RFX4: variants seen among roughly 807,000 people sequenced by gnomAD.
The protein encoded by RFX4 is transcription factor RFX4.
RFX4 carries 10 observed loss-of-function variants against 95.0 expected under a neutral mutation model. The observed-to-expected ratio is 0.11, with a 90% CI of 0.06 to 0.18. The LOEUF (loss-of-function observed/expected upper bound fraction) is 0.18, where lower values mean the gene tolerates loss of function less well. Ranked by LOEUF, RFX4 falls within the 10% of genes least tolerant of loss-of-function variation. The probability of loss-of-function intolerance (pLI) is 1.00; values close to 1 mark genes in which losing one functional copy is unlikely to be tolerated. For missense variants in RFX4, 640 were observed against 922.0 expected (o/e 0.69, Z 3.96); for synonymous variants, 321 against 340.7 (o/e 0.94, Z 0.64).
chr12:106,653,467 C>T (rs1328195629), intron 3 of RFX4, among the ~76,000 whole-genome samples: 1 of 152,124 alleles, frequency 6.6e-6, no homozygotes, highest in Non-Finnish European at 1.5e-5. Context: ...TTCAATCCCA[C>T]CAAAAGGAAA....
At chr12:106,696,069 C>T (rs143774707) in intron 7 of RFX4, among the ~76,000 whole-genome samples, 19 of 152,332 alleles carry the variant, frequency 1.2e-4, no homozygotes, top group African/African-American at 4.3e-4. Context: ...AGTTCCCCAG[C>T]AGTGTGCATG....
chr12:106,615,588 A>G (rs2040056770), intron 2 of RFX4, among the ~76,000 whole-genome samples: 1 of 152,198 alleles, frequency 6.6e-6, no homozygotes, highest in Non-Finnish European at 1.5e-5. Flanking sequence ...CCTTAACAAC[A>G]TCAAATTTCC....
intron 2 of RFX4, among the ~76,000 whole-genome samples, chr12:106,633,557 C>A (rs1346630181): frequency 1.3e-5 from 2 of 152,134 alleles, no homozygotes; most frequent in East Asian, 3.8e-4. Context: ...ATCCTCAAAA[C>A]ATCCTTGTGA....
rs556116618 is a variant in RFX4, at chr12:106,737,162, G to GTT, written c.1633+4116_1633+4117dup. Reference sequence around the variant, plus strand: ...TTTCCAGAATAGACTCGGAACTAAAGTTTTTTTTTTTTTTTTTTTTTTTTT... The same window carrying GTT: ...TTTCCAGAATAGACTCGGAACTAAAGTTTTTTTTTTTTTTTTTTTTTTTTTTT... On this transcript the variant is annotated intron_variant, in intron 15 of 17. Coordinates refer to ENST00000392842, the MANE Select transcript of RFX4 (RefSeq NM_213594.3). 9.6e-4 allele frequency among the ~76,000 whole-genome samples: 53 copies of GTT among 54,928 alleles called. 13 individuals are homozygous for GTT. Among genetic ancestry groups the GTT allele is most frequent in the Admixed American group, 1.5e-3 (5 of 3,290 alleles). 36.0% of individuals were successfully genotyped at this position (54,928 alleles called of 152,430 possible). A position where few individuals can be genotyped will look rare whatever the true frequency, so the allele number is the denominator to read the frequency against.
At chr12:106,715,306 C>T in intron 10 of RFX4, 94 bp from the exon 11 acceptor site, 7 of 1,426,124 alleles carry the variant, frequency 4.9e-6, no homozygotes, top group Non-Finnish European at 6.6e-6. Context: ...TTGCAAAATA[C>T]CATAAGCAGA....
intron 1 of RFX4, among the ~76,000 whole-genome samples, chr12:106,596,722 A>T (rs1046529284): frequency 1.3e-5 from 2 of 152,158 alleles, no homozygotes; most frequent in African/African-American, 4.8e-5. Flanking sequence ...AACTTATAAG[A>T]AAGTGTATTT....
At chr12:106,681,838 C>T (rs868628757) in intron 4 of RFX4, among the ~76,000 whole-genome samples, 155 bp from the exon 5 acceptor site, 1 of 152,172 alleles carries the variant, frequency 6.6e-6, no homozygotes, top group Admixed American at 6.5e-5. Context: ...ACTCTGACAC[C>T]AGTAGTCTTC....
At position 106,720,905 on chromosome 12, in the gene RFX4, C is replaced by G. The variant is rs766472344; in HGVS notation, c.1351+29C>G. ...AGGCCACCCCAGCCCTCCCCATCTC[C>G]AAGCACTTTTTCCTCTGGGCACGGA... On this transcript the variant is annotated intron_variant, in intron 13 of 17. Coordinates refer to ENST00000392842, the MANE Select transcript of RFX4 (RefSeq NM_213594.3). This position sits in a 1 kb window ranked among gnomAD's most constrained non-coding sequence, Gnocchi z 4.2. The G allele has an allele frequency of 6.3e-7, 1 of 1,599,104 alleles. No homozygotes were observed. The highest frequency in any genetic ancestry group is 1.7e-5 in the Admixed American group (1 of 59,974).
At chr12:106,680,854 T>C (rs974210720) in intron 4 of RFX4, 3 of 152,190 alleles carry the variant, frequency 2.0e-5, no homozygotes, top group Admixed American at 6.5e-5. Context: ...TCACAATAAC[T>C]CTAGAGGTTA....
chr12:106,657,267 A>G (rs2040978648), intron 4 of RFX4, among the ~76,000 whole-genome samples: 1 of 152,190 alleles, frequency 6.6e-6, no homozygotes, highest in Non-Finnish European at 1.5e-5. Flanking sequence ...GAGGTTTAAT[A>G]TTTCAGCTTA....
intron 8 of RFX4, 36 bp from the exon 9 acceptor site, chr12:106,709,294 T>C (rs1040648769): frequency 6.5e-7 from 1 of 1,547,766 alleles, no homozygotes. Context: ...CTAAGCAACA[T>C]GTGCAGCACT....
chr12:106,601,223 C>T lies in RFX4; in HGVS notation c.44-7574C>T, dbSNP rs544854680. ...TGGGCTTCTCCAAACTCCTGTGTGT[C>T]GCCACTGCCACCGGCAGGGAGCCAG... On this transcript the variant is annotated intron_variant, in intron 1 of 17. Coordinates refer to ENST00000392842, the MANE Select transcript of RFX4 (RefSeq NM_213594.3). The T allele has an allele frequency of 5.7e-5, 88 of 1,548,922 alleles. No homozygotes were observed. In the Admixed American group the frequency reaches 7.6e-4, roughly 13 times the overall value.
intron 16 of RFX4, 52 bp downstream of exon 16, chr12:106,747,651 G>C (rs973852373): frequency 6.3e-7 from 1 of 1,590,928 alleles, no homozygotes; most frequent in Admixed American, 1.7e-5. Context: ...GATCTAAAGA[G>C]GCTGGGCACA....
At chr12:106,701,687 C>T (rs2041994811) in intron 8 of RFX4, among the ~76,000 whole-genome samples, 1 of 152,192 alleles carries the variant, frequency 6.6e-6, no homozygotes, top group African/African-American at 2.4e-5. Flanking sequence ...TTATCTCCAT[C>T]ACTGTACTTT....
At chr12:106,657,976 A>G (rs1753502577) in intron 4 of RFX4, among the ~76,000 whole-genome samples, 1 of 152,020 alleles carries the variant, frequency 6.6e-6, no homozygotes, top group African/African-American at 2.4e-5. Flanking sequence ...GTATACACCT[A>G]CCATGTGAGT....
intron 13 of RFX4, among the ~76,000 whole-genome samples, chr12:106,729,981 T>A (rs139208988): frequency 6.6e-6 from 1 of 152,134 alleles, no homozygotes; most frequent in East Asian, 1.9e-4. Flanking sequence ...CCAAATGGCA[T>A]TGAAAAACAG....
chr12:106,640,738 C>T (rs778112661), intron 3 of RFX4, among the ~76,000 whole-genome samples: 5 of 149,914 alleles, frequency 3.3e-5, no homozygotes, highest in Non-Finnish European at 7.4e-5. Flanking sequence ...GTAAAGGACT[C>T]TGGGAGTGGG....
chr12:106,702,512 G>A (rs1298810423), intron 8 of RFX4, among the ~76,000 whole-genome samples: 1 of 152,154 alleles, frequency 6.6e-6, no homozygotes, highest in Non-Finnish European at 1.5e-5. Flanking sequence ...CCATCCCTAT[G>A]CACACAGTTG....
chr12:106,662,148 C>T (rs1207867608), intron 4 of RFX4: 1 of 397,882 alleles, frequency 2.5e-6, no homozygotes, highest in Non-Finnish European at 5.0e-6. Context: ...AAACTGTCTT[C>T]CAAAGTGGCT....
Sources: gnomAD v4.1 joint callset for allele counts (sites outside exome capture counted in the v4.1 genomes callset) on GRCh38, gnomAD v4.1.1 for gene constraint, Gnocchi (gnomAD v3.1) non-coding constraint, MANE v1.5 for transcripts, NCBI Gene and HGNC (gene_info 2026-07-23, HGNC 2026-07-21) for gene names.